RERE: variants seen among roughly 807,000 people sequenced by gnomAD.
RERE encodes arginine-glutamic acid dipeptide repeats protein.
A neutral mutation model predicts 146.1 loss-of-function variants in RERE; 40 were observed. The ratio of observed to expected loss-of-function variants is 0.27; its 90% CI spans 0.21 to 0.36. The LOEUF (loss-of-function observed/expected upper bound fraction) is 0.36, where lower values mean the gene tolerates loss of function less well. RERE is among the 10% of genes least tolerant of loss of function. The pLI, the probability that RERE is intolerant of heterozygous loss-of-function variation, is 1.00. For synonymous variants in RERE, 1,003 were observed against 866.0 expected (o/e 1.16, Z -2.78); for missense variants, 1,933 against 2,138.7 (o/e 0.90, Z 1.90).
At chr1:8,420,185 G>C (rs1235701903) in intron 12 of RERE, among the ~76,000 whole-genome samples, 1 of 152,176 alleles carries the variant, frequency 6.6e-6, no homozygotes, top group Non-Finnish European at 1.5e-5. Context: ...GAAAATGTAA[G>C]CCAGGCATGG....
At chr1:8,443,628 A>G (rs544163794) in intron 11 of RERE, among the ~76,000 whole-genome samples, 1 of 152,312 alleles carries the variant, frequency 6.6e-6, no homozygotes, top group East Asian at 1.9e-4. Flanking sequence ...CCTTCCCAGC[A>G]GCCCCTCCCA....
At chr1:8,412,912 G>A (rs555709343) in intron 12 of RERE, among the ~76,000 whole-genome samples, 2 of 152,294 alleles carry the variant, frequency 1.3e-5, no homozygotes, top group Admixed American at 6.5e-5. Context: ...AGCTTTGGTG[G>A]TGCCAGATCT....
At chr1:8,599,362 G>A (rs1646594207) in intron 4 of RERE, among the ~76,000 whole-genome samples, 3 of 152,098 alleles carry the variant, frequency 2.0e-5, no homozygotes, top group Admixed American at 6.6e-5. Flanking sequence ...CAAGTTCAAC[G>A]TGTGTTAATC....
chr1:8,454,186 C>T (rs1457368841), intron 11 of RERE, among the ~76,000 whole-genome samples: 1 of 152,146 alleles, frequency 6.6e-6, no homozygotes, highest in Non-Finnish European at 1.5e-5. Flanking sequence ...AATGGCAAAG[C>T]TTAGAAAAAT....
chr1:8,355,200 C>G, intron 22 of RERE, 80 bp from the exon 23 acceptor site: 1 of 1,472,720 alleles, frequency 6.8e-7, no homozygotes, highest in Non-Finnish European at 9.5e-7. Context: ...ACCCCAAAGA[C>G]AACAGCCAGG....
At chr1:8,782,030 T>C (rs767715434) in intron 1 of RERE, among the ~76,000 whole-genome samples, 19 of 152,140 alleles carry the variant, frequency 1.2e-4, no homozygotes, top group Non-Finnish European at 1.9e-4. Flanking sequence ...TCCAAACCTA[T>C]TTCTCTATTC....
chr1:8,520,768 A>AAAAAAAG, intron 7 of RERE, among the ~76,000 whole-genome samples: 1 of 150,584 alleles, frequency 6.6e-6, no homozygotes, highest in East Asian at 1.9e-4. Context: ...AAAAAAAAAA[A>AAAAAAAG]AAAAAAAACC....
intron 2 of RERE, among the ~76,000 whole-genome samples, chr1:8,647,536 G>A (rs1164112906): frequency 6.6e-6 from 1 of 152,070 alleles, no homozygotes; most frequent in African/African-American, 2.4e-5. Flanking sequence ...GTTTCAAGAA[G>A]ACACCTTCAT....
intron 12 of RERE, among the ~76,000 whole-genome samples, chr1:8,421,506 A>G (rs762191088): frequency 1.1e-4 from 16 of 152,230 alleles, no homozygotes; most frequent in Admixed American, 2.0e-4. Flanking sequence ...CCATCCTAGC[A>G]TATGAGATGC....
intron 1 of RERE, among the ~76,000 whole-genome samples, chr1:8,774,635 T>A (rs964706866): frequency 6.6e-6 from 1 of 152,090 alleles, no homozygotes; most frequent in African/African-American, 2.4e-5. Flanking sequence ...ACTACAGGCA[T>A]GAGTCACCAC....
At chr1:8,486,819 G>A (rs1462161514) in intron 10 of RERE, among the ~76,000 whole-genome samples, 3 of 145,912 alleles carry the variant, frequency 2.1e-5, no homozygotes, top group African/African-American at 7.6e-5. Flanking sequence ...AAAAAATTTA[G>A]ATGGCTAAAC....
Position 8,422,707 on chromosome 1 carries a change from T to TA in RERE, c.1284+19dup. The TA allele has an allele frequency of 1.9e-6, 3 of 1,578,976 alleles. No individual in the cohort carries two copies. The highest frequency in any genetic ancestry group is 2.6e-6 in the Non-Finnish European group (3 of 1,148,564). ...GCAAAGAGGAAAAAATCAAGTTACA[T>TA]AAAGTCCAATTGTACTCACTGTTTC... On this transcript the variant is annotated intron_variant, in intron 12 of 22. Coordinates refer to ENST00000400908, the MANE Select transcript of RERE (RefSeq NM_001042681.2).
At chr1:8,458,075 T>C (rs984298771) in intron 11 of RERE, among the ~76,000 whole-genome samples, 1 of 152,176 alleles carries the variant, frequency 6.6e-6, no homozygotes, top group Non-Finnish European at 1.5e-5. Flanking sequence ...AAGACTCCAA[T>C]GTCACTATAC....
intron 2 of RERE, among the ~76,000 whole-genome samples, chr1:8,637,362 C>G (rs1318445399): frequency 6.6e-6 from 1 of 152,144 alleles, no homozygotes; most frequent in Non-Finnish European, 1.5e-5. Flanking sequence ...TGTCTGCTGG[C>G]ACTACTCAGT....
intron 12 of RERE, among the ~76,000 whole-genome samples, chr1:8,385,356 G>C (rs1214317007): frequency 6.6e-6 from 1 of 152,180 alleles, no homozygotes; most frequent in Admixed American, 6.5e-5. Flanking sequence ...TGTGCAGCTA[G>C]AGGGTTCCGA....
At chr1:8,501,886 G>A (rs1268719823) in intron 8 of RERE, among the ~76,000 whole-genome samples, 1 of 52,684 alleles carries the variant, frequency 1.9e-5, no homozygotes, top group African/African-American at 7.1e-5. Flanking sequence ...GGAGGCAGGT[G>A]GGGGGGGTCA....
At chr1:8,545,060 T>G (rs918284113) in intron 6 of RERE, among the ~76,000 whole-genome samples, 3 of 152,230 alleles carry the variant, frequency 2.0e-5, no homozygotes, top group Non-Finnish European at 4.4e-5. Context: ...CTCACCATGA[T>G]CTCTGTCAAA....
chr1:8,499,130 G>C (rs1415806851), intron 8 of RERE, among the ~76,000 whole-genome samples: 1 of 152,120 alleles, frequency 6.6e-6, no homozygotes, highest in Non-Finnish European at 1.5e-5. Context: ...TGAAAAGTCA[G>C]ATATTTGCAA....
intron 1 of RERE, among the ~76,000 whole-genome samples, chr1:8,724,239 A>G (rs377161865): frequency 4.2e-4 from 64 of 152,220 alleles, no homozygotes; most frequent in African/African-American, 1.4e-3. Flanking sequence ...AACCACTTCT[A>G]TATGTATCCT....
Sources: allele counts gnomAD v4.1 joint callset (sites outside exome capture counted in the v4.1 genomes callset), GRCh38; gene constraint gnomAD v4.1.1; transcripts MANE v1.5; gene names NCBI Gene and HGNC (gene_info 2026-07-23, HGNC 2026-07-21).